The following P2RX1 variants were observed in gnomAD, a reference collection of about 807,000 sequenced individuals.
P2RX1 encodes the protein purinergic receptor P2X 1.
In P2RX1, 42 loss-of-function variants were observed where a neutral mutation model predicts 50.3. The ratio of observed to expected loss-of-function variants is 0.83; its 90% CI spans 0.65 to 1.08. The LOEUF (loss-of-function observed/expected upper bound fraction) is 1.08, where lower values mean the gene tolerates loss of function less well. Among genes scored for constraint, P2RX1 ranks in the 50% least tolerant of loss-of-function variants. The pLI, the probability that P2RX1 is intolerant of heterozygous loss-of-function variation, is 0.00. For synonymous variants in P2RX1, 199 were observed against 202.6 expected, an observed-to-expected ratio of 0.98 and a Z score of 0.15; for missense variants, 449 against 529.0, an observed-to-expected ratio of 0.85 and a Z score of 1.48.
In P2RX1 at chr17:3,914,468, C is replaced by G. The variant is rs1567659831; in HGVS notation, c.137+1621G>C. On this transcript the variant is annotated intron_variant, in intron 1 of 11. Coordinates refer to ENST00000225538, the MANE Select transcript of P2RX1 (RefSeq NM_002558.4). This position sits in a 1 kb window ranked among gnomAD's most constrained non-coding sequence, Gnocchi z 4.1. ...CAACGCTGACAGCCTGTGACACACA[C>G]AGAGGAGGGACCTGGTGCCCCTCAC... 6.6e-6 allele frequency among the ~76,000 whole-genome samples: 1 copy of G among 152,158 alleles called. No individual in the cohort carries two copies. The highest frequency in any genetic ancestry group is 1.5e-5 in the Non-Finnish European group (1 of 68,020).
Position 3,903,078 on chromosome 17 carries a change from GA to G in P2RX1, c.747+123del, listed in dbSNP as rs757511194. ...CGCTCAGGGGGCCCCAGTATCAGGG[GA>G]CAGACCCATACATATACTCAGCCCT... On this transcript the variant is annotated intron_variant, in intron 7 of 11. Transcript: ENST00000225538. The surrounding 1 kb of genome is among the most constrained non-coding windows in gnomAD (Gnocchi z 4.6). The G allele has an allele frequency of 3.1e-5, 42 of 1,365,080 alleles. No individual in the cohort carries two copies. Among genetic ancestry groups the G allele is most frequent in the Non-Finnish European group, 4.3e-5 (42 of 985,266 alleles). The allele number at this position is 1,365,080 out of a possible 1,614,324, so 84.6% of individuals were successfully genotyped here. A position where few individuals can be genotyped will look rare whatever the true frequency, so the allele number is the denominator to read the frequency against.
At chr17:3,898,634 C>T in intron 9 of P2RX1, 85 bp from the exon 10 acceptor site, 1 of 1,031,372 alleles carries the variant, frequency 9.7e-7, no homozygotes. Context: ...AGGGGACTTC[C>T]CCACCCTCGG....
chr17:3,897,724 C>T lies in P2RX1; in HGVS notation c.*90G>A. On this transcript the variant is annotated 3_prime_UTR_variant, in exon 12 of 12. Coordinates refer to ENST00000225538, the MANE Select transcript of P2RX1 (RefSeq NM_002558.4). ...CCTGGCTGAGAGGGTAGGAGACTTC[C>T]TGGGGAGGCCCCTCTGCCCTGGCTG... 3.3e-6 allele frequency: 4 copies of T among 1,203,404 alleles called. No homozygotes were observed. 74.5% of individuals were successfully genotyped at this position (1,203,404 alleles called of 1,614,324 possible). A position where few individuals can be genotyped will look rare whatever the true frequency, so the allele number is the denominator to read the frequency against.
Position 3,904,018 on chromosome 17 carries a change from C to A in P2RX1, c.434G>T (p.Arg145Leu), listed in dbSNP as rs747273574. ...GTTGAAGGCCACACACTTGCCCGTG[C>A]GGATGCCTGGAGCCAGAGGGAAACC... ...GKAKRKAQGI[R>L]TGKCVAFNDT... is the part of the protein sequence containing the mutation. Residue 145 changes from arginine to leucine, a missense_variant, in exon 5 of 12, where the codon CGC becomes CTC. By Grantham distance (102) the Arg-to-Leu change is moderately radical (BLOSUM62 -2). Coordinates refer to ENST00000225538, the MANE Select transcript of P2RX1 (RefSeq NM_002558.4). 8 of 1,613,740 alleles carry A rather than the reference C, an allele frequency of 5.0e-6. No homozygotes were observed. In the South Asian group the frequency reaches 8.8e-5, roughly 18 times the overall value.
intron 7 of P2RX1, among the ~76,000 whole-genome samples, chr17:3,902,701 G>A (rs369637490): frequency 3.3e-5 from 5 of 150,620 alleles, no homozygotes; most frequent in African/African-American, 4.9e-5. Flanking sequence ...TCTGCCTCCC[G>A]GGTTCAAGTG....
chr17:3,910,290 G>A (rs368552287), intron 1 of P2RX1, among the ~76,000 whole-genome samples: 125 of 152,192 alleles, frequency 8.2e-4, no homozygotes, highest in East Asian at 2.9e-3. Context: ...AATCTATTTC[G>A]TGCCAAGCAC....
intron 1 of P2RX1, among the ~76,000 whole-genome samples, chr17:3,910,461 A>C (rs547078045): frequency 6.6e-6 from 1 of 152,036 alleles, no homozygotes; most frequent in Non-Finnish European, 1.5e-5. Flanking sequence ...CCTCCCCATC[A>C]TGCCCCCACA....
At position 3,916,141 on chromosome 17, in the gene P2RX1, C is replaced by T. The variant is rs1260154981; in HGVS notation, c.85G>A (p.Val29Met). 4 of 1,613,692 alleles carry T rather than the reference C, an allele frequency of 2.5e-6. No individual in the cohort carries two copies. In the African/African-American group the frequency reaches 4.0e-5, roughly 16 times the overall value. ...PRMVLVRNKKVGVIFRLIQLV... is the reference protein window; with the variant it reads ...PRMVLVRNKKMGVIFRLIQLV... ...TGGATCAGTCGGAAGATAACGCCCA[C>T]CTTCTTATTACGCACCAGCACCATG... Residue 29 changes from valine (V) to methionine (M), a missense_variant, in exon 1 of 12, where the codon GTG becomes ATG. Coordinates refer to ENST00000225538, the MANE Select transcript of P2RX1 (RefSeq NM_002558.4).
intron 3 of P2RX1, 56 bp from the exon 4 acceptor site, chr17:3,904,455 G>C: frequency 2.7e-6 from 4 of 1,481,194 alleles, no homozygotes; most frequent in Non-Finnish European, 3.7e-6. Context: ...CCTGAGAAGA[G>C]CCCCTCTCCC....
chr17:3,916,110 A>G lies in P2RX1; in HGVS notation c.116T>C (p.Val39Ala), dbSNP rs962060753. 6.2e-7 allele frequency: 1 copy of G among 1,613,596 alleles called. No individual in the cohort carries two copies. The highest frequency in any genetic ancestry group is 8.5e-7 in the Non-Finnish European group (1 of 1,179,996). The change falls in exon 1 of 12, where the codon GTG (valine) becomes GCG (alanine). Residue 39 changes from valine to alanine, a missense_variant. Coordinates refer to ENST00000225538, the MANE Select transcript of P2RX1 (RefSeq NM_002558.4). ...VGVIFRLIQL[V>A]VLVYVIGWVF... ...TCACCCGATGACGTAGACCAGGACC[A>G]CCAGCTGGATCAGTCGGAAGATAAC...
At chr17:3,909,187 C>T (rs1388334059) in intron 1 of P2RX1, among the ~76,000 whole-genome samples, 3 of 152,134 alleles carry the variant, frequency 2.0e-5, no homozygotes, top group South Asian at 2.1e-4. Flanking sequence ...CGCCCCACCA[C>T]GCCCGGCTAA....
At chr17:3,911,462 C>T (rs981392151) in intron 1 of P2RX1, among the ~76,000 whole-genome samples, 8 of 152,202 alleles carry the variant, frequency 5.3e-5, no homozygotes, top group Admixed American at 5.2e-4. Flanking sequence ...GAGCAGGGGC[C>T]GCCCCAGGCG....
At chr17:3,900,679 T>C (rs1477989016) in intron 7 of P2RX1, among the ~76,000 whole-genome samples, 2 of 152,190 alleles carry the variant, frequency 1.3e-5, no homozygotes, top group African/African-American at 4.8e-5. Flanking sequence ...TCGTGTGTTT[T>C]CTTTGGGAGC....
intron 1 of P2RX1, among the ~76,000 whole-genome samples, chr17:3,910,439 C>T (rs1023462297): frequency 3.9e-5 from 6 of 152,262 alleles, no homozygotes; most frequent in African/African-American, 1.4e-4. Flanking sequence ...CAGGCAGCAT[C>T]CTCACAGCCA....
intron 7 of P2RX1, among the ~76,000 whole-genome samples, chr17:3,901,751 G>A (rs566157109): frequency 2.0e-5 from 3 of 152,332 alleles, no homozygotes; most frequent in African/African-American, 7.2e-5. Flanking sequence ...AGGTGTACAG[G>A]CTTCCCACGC....
intron 10 of P2RX1, 126 bp from the exon 11 acceptor site, chr17:3,898,236 C>T (rs2056070062): frequency 1.1e-6 from 1 of 880,710 alleles, no homozygotes; most frequent in South Asian, 1.4e-5. Flanking sequence ...AGGCCAGTTT[C>T]CTGGAGGGTG....
Position 3,898,022 on chromosome 17 carries a change from A to G in P2RX1, c.1121T>C (p.Met374Thr), listed in dbSNP as rs768585530. The G allele has an allele frequency of 1.6e-5, 26 of 1,613,480 alleles. No homozygotes were observed. The highest frequency in any genetic ancestry group is 2.1e-5 in the Non-Finnish European group (25 of 1,179,864). Residue 374 changes from methionine (M) to threonine (T), a missense_variant, in exon 11 of 12, where the codon ATG becomes ACG. Coordinates refer to ENST00000225538, the MANE Select transcript of P2RX1 (RefSeq NM_002558.4). ...GGGTTCTCTTACCGCCCCTGGCCCC[A>G]TGTCCTCAGCGTATTTGAACTTCTT... ...KQKKFKYAED[M>T]GPGAAERDLA... is the part of the protein sequence containing the mutation.
chr17:3,899,104 A>G (rs2056087113), intron 8 of P2RX1, 80 bp from the exon 9 acceptor site: 2 of 966,380 alleles, frequency 2.1e-6, no homozygotes, highest in Middle Eastern at 2.2e-4. Context: ...TCAGGGATAC[A>G]GGAGATTTAG....
chr17:3,898,152 G>T, intron 10 of P2RX1, 42 bp from the exon 11 acceptor site: 2 of 1,540,244 alleles, frequency 1.3e-6, no homozygotes, highest in South Asian at 1.1e-5. Context: ...GGGAATCCGG[G>T]GGTGGGTACG....
Sources: gnomAD v4.1 joint callset for allele counts (sites outside exome capture counted in the v4.1 genomes callset) on GRCh38, gnomAD v4.1.1 for gene constraint, Gnocchi (gnomAD v3.1) non-coding constraint, MANE v1.5 for transcripts, NCBI Gene and HGNC (gene_info 2026-07-23, HGNC 2026-07-21) for gene names.